Variants in RBFOX1 observed in about 807,000 individuals in gnomAD.
RBFOX1 encodes the protein RNA binding protein fox-1 homolog 1.
A neutral mutation model predicts 57.7 loss-of-function variants in RBFOX1; 8 were observed. The ratio of observed to expected loss-of-function variants is 0.14; its 90% CI spans 0.08 to 0.25. The LOEUF (loss-of-function observed/expected upper bound fraction) is 0.25, where lower values mean the gene tolerates loss of function less well. RBFOX1 is among the 10% of genes least tolerant of loss of function. The pLI, the probability that RBFOX1 is intolerant of heterozygous loss-of-function variation, is 1.00. For missense variants in RBFOX1, 611 were observed against 548.5 expected, an observed-to-expected ratio of 1.11 and a Z score of -1.14; for synonymous variants, 326 against 222.4, an observed-to-expected ratio of 1.47 and a Z score of -4.15.
At chr16:7,412,021 C>T (rs945108332) in intron 4 of RBFOX1, among the ~76,000 whole-genome samples, 16 of 151,486 alleles carry the variant, frequency 1.1e-4, no homozygotes, top group Admixed American at 4.6e-4. Context: ...ATCCTGGAGC[C>T]GAAAAAGGAC....
chr16:5,429,756 A>C (rs1227645327), intron 1 of RBFOX1, among the ~76,000 whole-genome samples: 1 of 152,200 alleles, frequency 6.6e-6, no homozygotes, highest in Non-Finnish European at 1.5e-5. Flanking sequence ...TCAATAAGCC[A>C]GTGGCAGTGT....
chr16:6,968,648 C>G lies in RBFOX1; in HGVS notation c.-15-83409C>G, dbSNP rs75677469. 7.9e-3 allele frequency among the ~76,000 whole-genome samples: 1,197 copies of G among 152,170 alleles called. 22 individuals carry two copies. Among genetic ancestry groups the G allele is most frequent in the African/African-American group, 0.028 (1,150 of 41,522 alleles). ...TGCATTTACACAACGTGCCACCATC[C>G]CACAGGACTCGAGGAAGCCCACAAG... On this transcript the variant is annotated intron_variant, in intron 3 of 15. Coordinates refer to ENST00000550418, the MANE Select transcript of RBFOX1 (RefSeq NM_018723.4).
intron 4 of RBFOX1, among the ~76,000 whole-genome samples, chr16:7,205,838 G>C (rs2089854464): frequency 1.3e-5 from 2 of 152,250 alleles, no homozygotes; most frequent in Non-Finnish European, 2.9e-5. Context: ...ACTGTGTGTA[G>C]TAATTACTGA....
chr16:5,867,282 C>CT (rs1268440445), intron 3 of RBFOX1: 71 of 1,185,720 alleles, frequency 6.0e-5, no homozygotes, highest in Non-Finnish European at 7.4e-5. Flanking sequence ...ATACTAATGT[C>CT]TTTTTTTGTT....
At chr16:6,321,366 T>C (rs1442035474) in intron 2 of RBFOX1, among the ~76,000 whole-genome samples, 2 of 152,196 alleles carry the variant, frequency 1.3e-5, no homozygotes, top group African/African-American at 2.4e-5. Flanking sequence ...TCCTTGTACC[T>C]AGGCTGATAC....
chr16:6,886,713 C>G (rs566479831), intron 3 of RBFOX1, among the ~76,000 whole-genome samples: 1 of 150,826 alleles, frequency 6.6e-6, no homozygotes, highest in Non-Finnish European at 1.5e-5. Flanking sequence ...TGAGATCGCA[C>G]CACCGCACTC....
chr16:6,073,618 G>A (rs181211285), intron 1 of RBFOX1, among the ~76,000 whole-genome samples: 2 of 152,236 alleles, frequency 1.3e-5, no homozygotes, highest in East Asian at 3.9e-4. Flanking sequence ...AATTTTTGGT[G>A]CACAAACATG....
intron 3 of RBFOX1, among the ~76,000 whole-genome samples, chr16:6,971,098 G>A (rs1469997089): frequency 2.6e-5 from 4 of 152,214 alleles, no homozygotes; most frequent in Non-Finnish European, 5.9e-5. Flanking sequence ...TTGGATGGTA[G>A]TTATAATCTA....
chr16:5,613,389 G>A (rs2047896347), intron 3 of RBFOX1, among the ~76,000 whole-genome samples: 1 of 152,122 alleles, frequency 6.6e-6, no homozygotes, highest in South Asian at 2.1e-4. Flanking sequence ...TGGGTGCAAC[G>A]TTACCCTCAC....
At chr16:6,500,966 C>T (rs1242347716) in intron 2 of RBFOX1, among the ~76,000 whole-genome samples, 2 of 145,488 alleles carry the variant, frequency 1.4e-5, no homozygotes, top group Non-Finnish European at 3.0e-5. Flanking sequence ...AGCCATGTTC[C>T]TGTCTTTTCT....
chr16:5,730,559 G>GCCATCATCATCGTCATCATTA (rs2151559518), intron 3 of RBFOX1, among the ~76,000 whole-genome samples: 2 of 152,170 alleles, frequency 1.3e-5, no homozygotes, highest in South Asian at 4.2e-4. Flanking sequence ...CATCACCACT[G>GCCATCATCATCGTCATCATTA]CCATCATCAT....
chr16:6,648,985 T>C (rs2098555294), intron 2 of RBFOX1, among the ~76,000 whole-genome samples: 1 of 152,148 alleles, frequency 6.6e-6, no homozygotes, highest in Non-Finnish European at 1.5e-5. Context: ...ATCTACTTTC[T>C]TAGCAATTTT....
chr16:5,470,275 G>C (rs979199268), intron 2 of RBFOX1, among the ~76,000 whole-genome samples: 3 of 152,174 alleles, frequency 2.0e-5, no homozygotes, highest in African/African-American at 7.2e-5. Context: ...GGCAAAGAAG[G>C]GGGTAGGAGA....
At chr16:7,706,998 TG>T (rs779518059) in intron 14 of RBFOX1, among the ~76,000 whole-genome samples, 6 of 152,198 alleles carry the variant, frequency 3.9e-5, no homozygotes, top group Non-Finnish European at 8.8e-5. Context: ...AGGCCATTTT[TG>T]ATAAGAAGGA....
chr16:6,714,958 A>C (rs1450220711), intron 3 of RBFOX1, among the ~76,000 whole-genome samples: 1 of 152,188 alleles, frequency 6.6e-6, no homozygotes, highest in Non-Finnish European at 1.5e-5. Flanking sequence ...AGGCACCTTG[A>C]AGGAATTGTG....
At chr16:6,119,167 A>G (rs2096529752) in intron 1 of RBFOX1, among the ~76,000 whole-genome samples, 1 of 152,038 alleles carries the variant, frequency 6.6e-6, no homozygotes, top group South Asian at 2.1e-4. Context: ...TTAGATGGGG[A>G]TTATATAAAG....
intron 1 of RBFOX1, among the ~76,000 whole-genome samples, chr16:6,138,682 A>G (rs971585355): frequency 6.6e-6 from 1 of 152,146 alleles, no homozygotes; most frequent in Admixed American, 6.5e-5. Context: ...CCTGGCTAAC[A>G]TGGTGAAACC....
chr16:6,707,073 A>G (rs1412190561), intron 3 of RBFOX1, among the ~76,000 whole-genome samples: 1 of 152,200 alleles, frequency 6.6e-6, no homozygotes, highest in Non-Finnish European at 1.5e-5. Flanking sequence ...ATTTTGGTAT[A>G]ATCTCTTTCC....
intron 3 of RBFOX1, among the ~76,000 whole-genome samples, chr16:6,890,676 T>C (rs2065203065): frequency 6.6e-6 from 1 of 152,208 alleles, no homozygotes. Flanking sequence ...CCATCTTGTC[T>C]GTCCCCAGTT....
Sources: allele counts gnomAD v4.1 joint callset (sites outside exome capture counted in the v4.1 genomes callset), GRCh38; gene constraint gnomAD v4.1.1; transcripts MANE v1.5; gene names NCBI Gene and HGNC (gene_info 2026-07-23, HGNC 2026-07-21).